ZBTB3: variants seen among roughly 807,000 people sequenced by gnomAD.
ZBTB3 encodes zinc finger and BTB domain containing 3.
Under a neutral mutation model 30.6 loss-of-function variants are expected in ZBTB3, and 15 were observed. The observed-to-expected ratio is 0.49, with a 90% CI of 0.33 to 0.75. The LOEUF (loss-of-function observed/expected upper bound fraction) is 0.75, where lower values mean the gene tolerates loss of function less well. Ranked by LOEUF, ZBTB3 falls within the 30% of genes least tolerant of loss-of-function variation. ZBTB3 has a pLI of 0.02. For synonymous variants in ZBTB3, 258 were observed against 261.7 expected (o/e 0.99, Z 0.14); for missense variants, 599 against 652.1 (o/e 0.92, Z 0.89).
chr11:62,753,683 G>T lies in ZBTB3; in HGVS notation c.-19C>A. On this transcript the variant is annotated 5_prime_UTR_variant, in exon 2 of 2. Transcript: ENST00000394807. ...ACTCCATAGTACCCCACGAAGGAAA[G>T]GGGGCCCAAAAAAGGTCCCCACCAG... 1 of 1,604,176 alleles carries T rather than the reference G, an allele frequency of 6.2e-7. No individual in the cohort carries two copies. The highest frequency in any genetic ancestry group is 8.5e-7 in the Non-Finnish European group (1 of 1,175,538).
In ZBTB3 at chr11:62,753,235, C is replaced by G. The variant is rs139269083; in HGVS notation, c.430G>C (p.Glu144Gln). 172 of 1,614,066 alleles carry G rather than the reference C, an allele frequency of 1.1e-4. No individual in the cohort carries two copies. The highest frequency in any genetic ancestry group is 1.3e-4 in the Non-Finnish European group (151 of 1,180,048). ...EETNSQLPSLEFLSSTSRGTQ... is the reference protein window; with the variant it reads ...EETNSQLPSLQFLSSTSRGTQ... ...CCACGGGAAGTACTAGACAAAAACT[C>G]CAAACTAGGAAGCTGTGAGTTGGTT... The change falls in exon 2 of 2, where the codon GAG (glutamate) becomes CAG (glutamine). Residue 144 changes from glutamate (E) to glutamine (Q), a missense_variant. Glu to Gln is a conservative substitution (Grantham distance 29). Transcript: ENST00000394807.
chr11:62,753,965 C>A lies in ZBTB3; in HGVS notation c.-53G>T, dbSNP rs749713844. 57 of 1,613,924 alleles carry A rather than the reference C, an allele frequency of 3.5e-5. No homozygotes were observed. The highest frequency in any genetic ancestry group is 4.2e-5 in the Non-Finnish European group (50 of 1,180,006). ...ACCCTCCGCTTCCTTGATGCCCACC[C>A]GGTAGCGTCCAACGGCTCCACGAAG... is the stretch of plus-strand genomic sequence containing the variant. On this transcript the variant is annotated splice_region_variant and 5_prime_UTR_variant, in exon 1 of 2. Transcript: ENST00000394807.
chr11:62,753,958 G>A lies in ZBTB3; in HGVS notation c.-52+6C>T, dbSNP rs762494579. Reference sequence around the variant, plus strand: ...CTTAGCCACCCTCCGCTTCCTTGATGCCCACCCGGTAGCGTCCAACGGCTC... The same window carrying A: ...CTTAGCCACCCTCCGCTTCCTTGATACCCACCCGGTAGCGTCCAACGGCTC... On this transcript the variant is annotated splice_donor_region_variant and intron_variant, in intron 1 of 1. Coordinates refer to ENST00000394807, the MANE Select transcript of ZBTB3 (RefSeq NM_001370809.1). The A allele has an allele frequency of 2.1e-5, 33 of 1,608,092 alleles. No individual in the cohort carries two copies. In the Admixed American group the frequency reaches 5.2e-4, roughly 25 times the overall value.
Position 62,751,950 on chromosome 11 carries a change from T to TAAA in ZBTB3, c.*137_*139dup, listed in dbSNP as rs1215477544. On this transcript the variant is annotated 3_prime_UTR_variant, in exon 2 of 2. Coordinates refer to ENST00000394807, the MANE Select transcript of ZBTB3 (RefSeq NM_001370809.1). ...ACTCTGTCTCAAAAAAATAAAAGAT[T>TAAA]AAAAAAAAAAAAGGGTAGGAACTTT... The TAAA allele has an allele frequency of 2.6e-5, 17 of 650,756 alleles. No individual in the cohort carries two copies. The highest frequency in any genetic ancestry group is 1.2e-4 in the Admixed American group (3 of 26,054). 40.3% of individuals were successfully genotyped at this position (650,756 alleles called of 1,614,324 possible).
chr11:62,752,108 G>A lies in ZBTB3; in HGVS notation c.1557C>T (p.Ala519=). The A allele has an allele frequency of 6.2e-7, 1 of 1,610,072 alleles. No individual in the cohort carries two copies. Among genetic ancestry groups the A allele is most frequent in the Non-Finnish European group, 8.5e-7 (1 of 1,177,540 alleles). Residue 519 remains alanine, a synonymous_variant, in exon 2 of 2, where the codon GCC becomes GCT. Transcript: ENST00000394807. ...GGGPPKDFVL[A]PKTNI is the part of the protein sequence containing the mutation. Reference sequence around the variant, plus strand: ...TGCTCCCTTAGATGTTAGTTTTTGGGGCCAATACAAAATCTTTAGGTGGCC... The same window carrying A: ...TGCTCCCTTAGATGTTAGTTTTTGGAGCCAATACAAAATCTTTAGGTGGCC...
In ZBTB3 at chr11:62,752,161, C is replaced by T. The variant is rs1171271429; in HGVS notation, c.1504G>A (p.Ala502Thr). 1.9e-6 allele frequency: 3 copies of T among 1,614,076 alleles called. No individual in the cohort carries two copies. Among genetic ancestry groups the T allele is most frequent in the Non-Finnish European group, 2.5e-6 (3 of 1,179,972 alleles). ...CCACCACTGCTGCTCTGTCTGTCTG[C>T]TGTTGGGGAGCCAGGGAGAGGCTGC... ...GVQPLPGSPT[A>T]DRQSSSGGGP... The change falls in exon 2 of 2, where the codon GCA (alanine) becomes ACA (threonine). Residue 502 changes from alanine (A) to threonine (T), a missense_variant. By Grantham distance (58) the Ala-to-Thr change is moderately conservative. Transcript: ENST00000394807.
Position 62,751,303 on chromosome 11 carries a change from A to G in ZBTB3, c.*787T>C, listed in dbSNP as rs946297290. 6.6e-6 allele frequency: 1 copy of G among 151,990 alleles called. No individual in the cohort carries two copies. Among genetic ancestry groups the G allele is most frequent in the African/African-American group, 2.4e-5 (1 of 41,330 alleles). 9.4% of individuals were successfully genotyped at this position (151,990 alleles called of 1,614,324 possible). ...GTAATCCCAGCTACTCAAGAGGCTG[A>G]GTTAAGAGAATCGCTTGAGGCCAGG... is the stretch of plus-strand genomic sequence containing the variant. On this transcript the variant is annotated 3_prime_UTR_variant, in exon 2 of 2. Coordinates refer to ENST00000394807, the MANE Select transcript of ZBTB3 (RefSeq NM_001370809.1).
chr11:62,752,742 G>C lies in ZBTB3; in HGVS notation c.923C>G (p.Ala308Gly), dbSNP rs1331029098. 6.2e-7 allele frequency: 1 copy of C among 1,614,078 alleles called. No individual in the cohort carries two copies. Among genetic ancestry groups the C allele is most frequent in the Non-Finnish European group, 8.5e-7 (1 of 1,180,042 alleles). The change falls in exon 2 of 2, where the codon GCT becomes GGT. Residue 308 changes from alanine (A) to glycine (G), a missense_variant. Transcript: ENST00000394807. Reference protein sequence around the residue: ...EAELVQVKVEAIVISDEETDV... With the variant: ...EAELVQVKVEGIVISDEETDV... ...AGTCTCTTCATCAGAGATCACAATA[G>C]CTTCAACTTTCACCTGGACCAGCTC...
Position 62,753,738 on chromosome 11 carries a change from T to G in ZBTB3, c.-51-23A>C, listed in dbSNP as rs375687324. 852 of 1,574,790 alleles carry G rather than the reference T, an allele frequency of 5.4e-4. 1 individual carries two copies. Among genetic ancestry groups the G allele is most frequent in the Non-Finnish European group, 6.8e-4 (797 of 1,164,240 alleles). On this transcript the variant is annotated intron_variant, in intron 1 of 1. Coordinates refer to ENST00000394807, the MANE Select transcript of ZBTB3 (RefSeq NM_001370809.1). ...TCCCTGAGAAAAAAGGGCAGTGAGT[T>G]AAGACAGGTAACCTCCCCAGCAACC... is the stretch of plus-strand genomic sequence containing the variant.
At position 62,753,037 on chromosome 11, in the gene ZBTB3, G is replaced by A. The variant is rs531310587; in HGVS notation, c.628C>T (p.Pro210Ser). Residue 210 changes from proline to serine, a missense_variant, in exon 2 of 2, where the codon CCT becomes TCT. Pro to Ser is a moderately conservative substitution (Grantham distance 74, BLOSUM62 -1). Transcript: ENST00000394807. Reference sequence around the variant, plus strand: ...GAGACATCAGCCACTGGTGGATGAGGTGCCCGCAGATGTGGTGCGTCAACC... The same window carrying A: ...GAGACATCAGCCACTGGTGGATGAGATGCCCGCAGATGTGGTGCGTCAACC... ...MEVDAPHLRAPHPPVADVSLA... is the reference protein window; with the variant it reads ...MEVDAPHLRASHPPVADVSLA... The A allele has an allele frequency of 1.0e-4, 163 of 1,614,174 alleles. 1 individual carries two copies. The South Asian group carries it at 1.6e-3, about 16-fold the overall frequency.
Position 62,753,463 on chromosome 11 carries a change from T to G in ZBTB3, c.202A>C (p.Asn68His). The change falls in exon 2 of 2, where the codon AAT (asparagine) becomes CAT (histidine). Residue 68 changes from asparagine (N) to histidine (H), a missense_variant. Physicochemically the swap from Asn to His is moderately conservative, Grantham distance 68. Transcript: ENST00000394807. ...AAGGCTGGGGCTGTGACAATTTCATTGTGAATACACACCAGATCCCTCTTG... is the reference window on the plus strand; with the variant it reads ...AAGGCTGGGGCTGTGACAATTTCATGGTGAATACACACCAGATCCCTCTTG... The part of the protein sequence containing the change: ...LDKRDLVCIH[N>H]EIVTAPAFGL... The G allele has an allele frequency of 6.2e-7, 1 of 1,614,228 alleles. No homozygotes were observed. Among genetic ancestry groups the G allele is most frequent in the East Asian group, 2.2e-5 (1 of 44,886 alleles).
Position 62,753,387 on chromosome 11 carries a change from T to C in ZBTB3, c.278A>G (p.Asp93Gly), listed in dbSNP as rs776961302. 5.6e-6 allele frequency: 9 copies of C among 1,613,944 alleles called. No individual in the cohort carries two copies. The highest frequency in any genetic ancestry group is 5.1e-6 in the Non-Finnish European group (6 of 1,180,022). ...MYAGQLTLRG[D>G]TPVEDVLAAA... The stretch of plus-strand genomic sequence containing the variant: ...TGCCAGCACATCCTCCACAGGGGTA[T>C]CCCCTCTCAGGGTCAGCTGGCCAGC... The change falls in exon 2 of 2, where the codon GAT becomes GGT. Residue 93 changes from aspartate (D) to glycine (G), a missense_variant. Asp to Gly is a moderately conservative substitution (Grantham distance 94, BLOSUM62 -1). Coordinates refer to ENST00000394807, the MANE Select transcript of ZBTB3 (RefSeq NM_001370809.1).
chr11:62,751,797 T>C lies in ZBTB3; in HGVS notation c.*293A>G, dbSNP rs1007290426. On this transcript the variant is annotated 3_prime_UTR_variant, in exon 2 of 2. Coordinates refer to ENST00000394807, the MANE Select transcript of ZBTB3 (RefSeq NM_001370809.1). ...AAAATCAAAAAAAATTAGCCAGGCA[T>C]GGTGATAGGCGCCTGTAGTCCCAGC... 3 of 210,122 alleles carry C rather than the reference T, an allele frequency of 1.4e-5. No individual in the cohort carries two copies. In the South Asian group the frequency reaches 3.4e-4, roughly 24 times the overall value. The allele number at this position is 210,122 out of a possible 1,614,324, so 13.0% of individuals were successfully genotyped here. A position where few individuals can be genotyped will look rare whatever the true frequency, so the allele number is the denominator to read the frequency against.
At position 62,753,301 on chromosome 11, in the gene ZBTB3, G is replaced by A. The variant is rs745395544; in HGVS notation, c.364C>T (p.Arg122Trp). The A allele has an allele frequency of 4.3e-6, 7 of 1,613,946 alleles. No homozygotes were observed. Among genetic ancestry groups the A allele is most frequent in the Middle Eastern group, 1.6e-4 (1 of 6,084 alleles). Residue 122 changes from arginine (R) to tryptophan (W), a missense_variant, in exon 2 of 2, where the codon CGG becomes TGG. Arg to Trp is a moderately radical substitution (Grantham distance 101). Transcript: ENST00000394807. ...GTACTGTCTGCCTCTGCCAGGGCCC[G>A]GGCTTGAAGCCGCCGCTTACACACC... ...VKVCKRRLQA[R>W]ALAEADSTKK...
rs2084043690 is a variant in ZBTB3, at chr11:62,754,121, G to A, written c.-209C>T. 2.6e-6 allele frequency: 4 copies of A among 1,540,874 alleles called. No individual in the cohort carries two copies. Among genetic ancestry groups the A allele is most frequent in the South Asian group, 2.2e-5 (2 of 89,592 alleles). ...AGGGTGGGAACTAGCGGAGAAAGCT[G>A]ATACCTCACCCACCACCGAGCAGCC... On this transcript the variant is annotated 5_prime_UTR_variant, in exon 1 of 2. Coordinates refer to ENST00000394807, the MANE Select transcript of ZBTB3 (RefSeq NM_001370809.1).
At chr11:62,753,906 T>C in intron 1 of ZBTB3, 58 bp downstream of exon 1, 1 of 1,588,318 alleles carries the variant, frequency 6.3e-7, no homozygotes, top group Non-Finnish European at 8.6e-7. Flanking sequence ...CCCCGTCCGA[T>C]AAGCCCTGCC....
rs2084026019 is a variant in ZBTB3 at position 62,752,724 on chromosome 11, T to G, written c.941A>C (p.Glu314Ala). ...CTGTTCATCTGACACATCAGTCTCT[T>G]CATCAGAGATCACAATAGCTTCAAC... The part of the protein sequence containing the change: ...VKVEAIVISD[E>A]ETDVSDEQPQ... The change falls in exon 2 of 2, where the codon GAA becomes GCA. Residue 314 changes from glutamate (E) to alanine (A), a missense_variant. Physicochemically the swap from Glu to Ala is moderately radical, Grantham distance 107. Transcript: ENST00000394807. 12 of 1,614,188 alleles carry G rather than the reference T, an allele frequency of 7.4e-6. No homozygotes were observed. Among genetic ancestry groups the G allele is most frequent in the Non-Finnish European group, 1.0e-5 (12 of 1,180,034 alleles).
rs373901931 is a variant in ZBTB3, at chr11:62,754,054, C to T, written c.-142G>A. The stretch of plus-strand genomic sequence containing the variant: ...CCTCTACGCCCCACTTCGAGAACTC[C>T]CTAAGCATCTCCCTCACGCATTCCA... On this transcript the variant is annotated 5_prime_UTR_variant, in exon 1 of 2. Transcript: ENST00000394807. The T allele has an allele frequency of 1.1e-5, 17 of 1,614,040 alleles. No homozygotes were observed. The highest frequency in any genetic ancestry group is 2.7e-5 in the African/African-American group (2 of 74,924).
rs750958740 is a variant in ZBTB3 at position 62,752,392 on chromosome 11, T to C, written c.1273A>G (p.Lys425Glu). 2 of 1,614,158 alleles carry C rather than the reference T, an allele frequency of 1.2e-6. No individual in the cohort carries two copies. Among genetic ancestry groups the C allele is most frequent in the Non-Finnish European group, 1.7e-6 (2 of 1,180,034 alleles). Residue 425 changes from lysine (K) to glutamate (E), a missense_variant, in exon 2 of 2, where the codon AAG becomes GAG. Coordinates refer to ENST00000394807, the MANE Select transcript of ZBTB3 (RefSeq NM_001370809.1). ...CATGAGAAGGTCTTCCCACATGTCT[T>C]GCAGGTGGGAACATCCTCAGTAAAA... ...GVFTEDVPTC[K>E]TCGKTFSCSY... is the part of the protein sequence containing the mutation.
Sources: gnomAD v4.1 joint callset for allele counts on GRCh38, gnomAD v4.1.1 for gene constraint, MANE v1.5 for transcripts, NCBI Gene and HGNC (gene_info 2026-07-23, HGNC 2026-07-21) for gene names.